TRAPPC2L: variants seen among roughly 807,000 people sequenced by gnomAD.
TRAPPC2L encodes trafficking protein particle complex subunit 2L.
A neutral mutation model predicts 13.2 loss-of-function variants in TRAPPC2L; 17 were observed. The ratio of observed to expected loss-of-function variants is 1.29; its 90% CI spans 0.88 to 1.93. The LOEUF is 1.93. Ranked by LOEUF, TRAPPC2L falls within the 30% of genes most tolerant of loss-of-function variation. TRAPPC2L has a pLI of 0.00. For synonymous variants in TRAPPC2L, 150 were observed against 98.1 expected (o/e 1.53, Z -3.12); for missense variants, 359 against 252.1 (o/e 1.42, Z -2.87).
At chr16:88,859,864 A>C in intron 3 of TRAPPC2L, 29 bp from the exon 4 acceptor site, 1 of 1,559,070 alleles carries the variant, frequency 6.4e-7, no homozygotes, top group Non-Finnish European at 8.7e-7. Context: ...TGTATGTGGC[A>C]AGGTCATGGT....
exon 4 of TRAPPC2L, chr16:88,860,999 C>A: frequency 6.4e-7 from 1 of 1,556,800 alleles, no homozygotes; most frequent in Non-Finnish European, 8.7e-7. Flanking sequence ...AGCCCGCGCA[C>A]GACTGTGGTG....
chr16:88,859,122 G>A (rs1877771042), intron 2 of TRAPPC2L: 2 of 448,756 alleles, frequency 4.5e-6, no homozygotes. Context: ...TTTGAGCAGG[G>A]GATAATAGTT....
intron 2 of TRAPPC2L, chr16:88,859,231 A>G (rs910610996): frequency 1.9e-6 from 1 of 523,300 alleles, no homozygotes; most frequent in African/African-American, 1.9e-5. Context: ...GACCTTCCCA[A>G]AAGTCATCAT....
chr16:88,861,141 A>C (rs1419936574), exon 4 of TRAPPC2L: 2 of 627,142 alleles, frequency 3.2e-6, no homozygotes, highest in East Asian at 5.5e-5. Context: ...CGTGTCAGCC[A>C]AGGATTTAAT....
At position 88,860,876 on chromosome 16, in the gene TRAPPC2L, C is replaced by T. The variant is rs375914005; in HGVS notation, c.*552C>T. 5.7e-6 allele frequency: 9 copies of T among 1,572,426 alleles called. No homozygotes were observed. In the African/African-American group the frequency reaches 1.2e-4, roughly 21 times the overall value. ...CGTCTCTGAGCAGAGGGGTGGAGGG[C>T]CTGGCTCTCCTCTGAGTGGGTCTGT... On this transcript the variant is annotated 3_prime_UTR_variant, in exon 4 of 4. Transcript: ENST00000565504.
At chr16:88,857,762 C>T (rs907118728) in intron 1 of TRAPPC2L, among the ~76,000 whole-genome samples, 1 of 152,232 alleles carries the variant, frequency 6.6e-6, no homozygotes, top group Non-Finnish European at 1.5e-5. Context: ...GGCCTTTGCA[C>T]GCGGAACACC....
chr16:88,861,686 T>C, exon 4 of TRAPPC2L: 1 of 483,088 alleles, frequency 2.1e-6, no homozygotes, highest in Non-Finnish European at 4.3e-6. Flanking sequence ...GTGGCGTCAG[T>C]GCCGCCGGCG....
In TRAPPC2L at chr16:88,859,764, T is replaced by A. The variant is rs764933922; in HGVS notation, c.294+14T>A. On this transcript the variant is annotated intron_variant, in intron 3 of 3. Transcript: ENST00000565504. ...GAAATTCGCAGCGTAAGTCAGGGAG[T>A]TAGAGGGCCACGCCCGAGTGGGTGT... 8 of 1,610,504 alleles carry A rather than the reference T, an allele frequency of 5.0e-6. No individual in the cohort carries two copies. The Admixed American group carries it at 1.3e-4, about 27-fold the overall frequency.
At chr16:88,861,584 AC>A (rs757264416) in exon 4 of TRAPPC2L, 2 of 470,122 alleles carry the variant, frequency 4.3e-6, no homozygotes, top group Admixed American at 4.7e-5. Flanking sequence ...GACTTGAGGC[AC>A]CCCCTCCTGC....
chr16:88,858,234 G>A (rs1414404574), intron 1 of TRAPPC2L, among the ~76,000 whole-genome samples: 1 of 152,200 alleles, frequency 6.6e-6, no homozygotes, highest in Non-Finnish European at 1.5e-5. Flanking sequence ...GTGAAGAAAA[G>A]CCAGTATTGA....
chr16:88,859,468 G>A (rs909478515), intron 2 of TRAPPC2L, 195 bp from the exon 3 acceptor site: 45 of 707,700 alleles, frequency 6.4e-5, no homozygotes, highest in African/African-American at 2.3e-4. Context: ...CCTGCTCTTC[G>A]CTTCTCCTGC....
exon 4 of TRAPPC2L, chr16:88,860,639 C>G (rs1447680363): frequency 3.4e-6 from 2 of 594,842 alleles, no homozygotes; most frequent in African/African-American, 3.7e-5. Flanking sequence ...CAGGGCCATC[C>G]TTGCCACACC....
At position 88,857,129 on chromosome 16, in the gene TRAPPC2L, G is replaced by C. The variant is rs112064548; in HGVS notation, c.-22G>C. 1.5e-4 allele frequency: 240 copies of C among 1,558,646 alleles called. 1 individual carries two copies. In the East Asian group the frequency reaches 5.7e-3, roughly 37 times the overall value. On this transcript the variant is annotated 5_prime_UTR_variant, in exon 1 of 4. Transcript: ENST00000565504. Reference sequence around the variant, plus strand: ...CCAGCGGCGGGTCACGTGACGCGGTGCCTGGCGCCGAGCCTCCCAAGATGG... The same window carrying C: ...CCAGCGGCGGGTCACGTGACGCGGTCCCTGGCGCCGAGCCTCCCAAGATGG...
upstream of TRAPPC2L, chr16:88,856,660 C>A (rs1242225233): frequency 9.9e-4 from 379 of 383,214 alleles, 4 homozygotes; most frequent in South Asian, 6.7e-3. Context: ...CCTCTCCCCC[C>A]ACCCCGCCCG....
At chr16:88,856,859 C>A, upstream of TRAPPC2L, 3 of 1,511,110 alleles carry the variant, frequency 2.0e-6, no homozygotes, top group Non-Finnish European at 2.6e-6. Flanking sequence ...CACCTCGTCG[C>A]CGCGACAACC....
upstream of TRAPPC2L, chr16:88,856,933 C>T (rs1384802354): frequency 2.5e-5 from 37 of 1,466,138 alleles, no homozygotes; most frequent in Non-Finnish European, 3.0e-5. Flanking sequence ...CGAGCGTCCG[C>T]CGGCCCTTCC....
exon 4 of TRAPPC2L, chr16:88,861,914 A>C: frequency 3.9e-6 from 1 of 253,452 alleles, no homozygotes; most frequent in Non-Finnish European, 8.0e-6. Context: ...TAGCAAGCAC[A>C]GTGTTAATTT....
exon 4 of TRAPPC2L, chr16:88,860,990 G>T (rs1428905922): frequency 6.4e-6 from 10 of 1,563,838 alleles, no homozygotes; most frequent in Non-Finnish European, 7.8e-6. Context: ...TCGCAGAGGA[G>T]CCCGCGCACG....
chr16:88,856,417 G>A (rs999743053), upstream of TRAPPC2L: 3 of 701,142 alleles, frequency 4.3e-6, no homozygotes, highest in African/African-American at 3.5e-5. Flanking sequence ...GTCAGACGGG[G>A]GAGGCAGGGC....
Sources: allele counts gnomAD v4.1 joint callset (sites outside exome capture counted in the v4.1 genomes callset), GRCh38; gene constraint gnomAD v4.1.1; transcripts MANE v1.5; gene names NCBI Gene and HGNC (gene_info 2026-07-23, HGNC 2026-07-21).